Variants in FBN2 observed in about 807,000 individuals in gnomAD.
FBN2 encodes fibrillin-2.
In FBN2, 105 loss-of-function variants were observed where a neutral mutation model predicts 355.6. That is an observed-to-expected ratio of 0.30 (90% CI 0.25 to 0.35). The LOEUF is 0.35. Among genes scored for constraint, FBN2 ranks in the 10% least tolerant of loss-of-function variants. The pLI, the probability that FBN2 is intolerant of heterozygous loss-of-function variation, is 1.00. For synonymous variants in FBN2, 1,350 were observed against 1,301.2 expected, an observed-to-expected ratio of 1.04 and a Z score of -0.81; for missense variants, 3,280 against 3,758.7, an observed-to-expected ratio of 0.87 and a Z score of 3.33.
chr5:128,455,245 A>G (rs1754349983), intron 6 of FBN2, among the ~76,000 whole-genome samples: 1 of 152,232 alleles, frequency 6.6e-6, no homozygotes, highest in Admixed American at 6.5e-5. Flanking sequence ...GGGCTTAATG[A>G]CACTATTAAC....
chr5:128,499,075 T>C (rs1755734765), intron 5 of FBN2, among the ~76,000 whole-genome samples: 1 of 152,198 alleles, frequency 6.6e-6, no homozygotes, highest in Non-Finnish European at 1.5e-5. Context: ...GAGTATGTAC[T>C]TCTTACATTG....
At chr5:128,374,122 T>C (rs115161764) in intron 15 of FBN2, among the ~76,000 whole-genome samples, 1,695 of 152,226 alleles carry the variant, frequency 0.011, 8 homozygotes, top group Non-Finnish European at 0.013. Flanking sequence ...AATATATTTT[T>C]TCTTCTCCAG....
intron 64 of FBN2, among the ~76,000 whole-genome samples, chr5:128,260,293 G>A (rs1024795516): frequency 6.6e-6 from 1 of 152,094 alleles, no homozygotes; most frequent in Non-Finnish European, 1.5e-5. Context: ...GCTTTGATTT[G>A]TAAGGTAAGT....
intron 62 of FBN2, among the ~76,000 whole-genome samples, chr5:128,268,453 G>A (rs1481804217): frequency 1.3e-5 from 2 of 152,128 alleles, no homozygotes; most frequent in Non-Finnish European, 2.9e-5. Context: ...GGTACCAAGA[G>A]GAGCTGGTAC....
At chr5:128,297,768 G>A (rs946635282) in intron 48 of FBN2, among the ~76,000 whole-genome samples, 5 of 152,180 alleles carry the variant, frequency 3.3e-5, no homozygotes, top group Admixed American at 6.5e-5. Flanking sequence ...ACAGCACACT[G>A]ATGGGTCTTG....
At chr5:128,434,423 T>TATATATATATATATATATATATATATAC (rs1339032948) in intron 7 of FBN2, among the ~76,000 whole-genome samples, 1 of 135,274 alleles carries the variant, frequency 7.4e-6, no homozygotes, top group African/African-American at 2.9e-5. Flanking sequence ...TATATATATA[T>TATATATATATATATATATATATATATAC]ATGGGCAGTA....
chr5:128,459,527 A>G (rs1021361768), intron 6 of FBN2, among the ~76,000 whole-genome samples: 1 of 152,036 alleles, frequency 6.6e-6, no homozygotes, highest in Admixed American at 6.6e-5. Flanking sequence ...TGCTAAAACA[A>G]CAACAACAAC....
At chr5:128,418,155 G>C (rs188508239) in intron 7 of FBN2, among the ~76,000 whole-genome samples, 5 of 152,100 alleles carry the variant, frequency 3.3e-5, no homozygotes, top group Admixed American at 3.3e-4. Context: ...GCATTCTGTG[G>C]TATCAGTTGT....
intron 7 of FBN2, among the ~76,000 whole-genome samples, chr5:128,425,767 AAAAG>A (rs1753467461): frequency 6.6e-6 from 1 of 152,176 alleles, no homozygotes; most frequent in Non-Finnish European, 1.5e-5. Context: ...TAATATCATA[AAAAG>A]AAAGAAACTC....
intron 11 of FBN2, among the ~76,000 whole-genome samples, chr5:128,382,215 G>A (rs1017095567): frequency 6.6e-6 from 1 of 152,056 alleles, no homozygotes; most frequent in African/African-American, 2.4e-5. Flanking sequence ...TCCAACAGAT[G>A]TTTTTCCTCA....
chr5:128,319,327 A>AT (rs1375721556), intron 34 of FBN2, among the ~76,000 whole-genome samples: 1 of 152,040 alleles, frequency 6.6e-6, no homozygotes, highest in African/African-American at 2.4e-5. Context: ...AAGAAATGAA[A>AT]TTGTGAAAAA....
In FBN2 at chr5:128,258,168, G is replaced by C. The variant is rs1030371180; in HGVS notation, c.*1287C>G. 1 of 152,540 alleles carries C rather than the reference G, an allele frequency of 6.6e-6. No individual in the cohort carries two copies. Among genetic ancestry groups the C allele is most frequent in the Non-Finnish European group, 1.5e-5 (1 of 68,050 alleles). The allele number at this position is 152,540 out of a possible 1,614,324, so 9.4% of individuals were successfully genotyped here. ...TGTGCTTTGGCCATTTCACATATGA[G>C]GTTTGGTCACTGGTCCAGGAAACAG... On this transcript the variant is annotated 3_prime_UTR_variant, in exon 65 of 65. Transcript: ENST00000262464.
chr5:128,291,753 G>T, intron 48 of FBN2, 99 bp from the exon 49 acceptor site: 1 of 1,095,442 alleles, frequency 9.1e-7, no homozygotes, highest in Non-Finnish European at 1.4e-6. Flanking sequence ...TTTCAGACAA[G>T]AGATATTACG....
chr5:128,499,638 G>A (rs1323568382), intron 5 of FBN2, among the ~76,000 whole-genome samples: 1 of 152,126 alleles, frequency 6.6e-6, no homozygotes, highest in African/African-American at 2.4e-5. Context: ...AAAATACTCT[G>A]GTGATTCTTA....
At chr5:128,309,909 A>C (rs1749986211) in intron 40 of FBN2, 74 bp downstream of exon 40, 1 of 1,502,002 alleles carries the variant, frequency 6.7e-7, no homozygotes. Context: ...TCCAAACAAT[A>C]ATTCTGAGAC....
chr5:128,323,662 G>A (rs1009382887), intron 34 of FBN2, among the ~76,000 whole-genome samples: 44 of 152,202 alleles, frequency 2.9e-4, no homozygotes, highest in African/African-American at 1.1e-3. Flanking sequence ...TGGTGGATAA[G>A]CTCTTTGATG....
At chr5:128,349,304 T>TG in intron 23 of FBN2, 43 bp downstream of exon 23, 1 of 1,613,194 alleles carries the variant, frequency 6.2e-7, no homozygotes, top group Non-Finnish European at 8.5e-7. Flanking sequence ...AGGAAATTCA[T>TG]GGCTTGTTTT....
intron 5 of FBN2, among the ~76,000 whole-genome samples, chr5:128,499,147 C>T (rs1005379648): frequency 6.6e-6 from 1 of 152,048 alleles, no homozygotes; most frequent in African/African-American, 2.4e-5. Context: ...CCAAATCCAG[C>T]GTTGCCTCAT....
chr5:128,269,453 C>T (rs1581176664), intron 62 of FBN2, among the ~76,000 whole-genome samples: 1 of 150,006 alleles, frequency 6.7e-6, no homozygotes, highest in Non-Finnish European at 1.5e-5. Flanking sequence ...AGTGAGACTC[C>T]ACCCCAAAAA....
Sources: gnomAD v4.1 joint callset for allele counts (sites outside exome capture counted in the v4.1 genomes callset) on GRCh38, gnomAD v4.1.1 for gene constraint, MANE v1.5 for transcripts, NCBI Gene and HGNC (gene_info 2026-07-23, HGNC 2026-07-21) for gene names.